The following FARP1 variants were observed in gnomAD, a reference collection of about 807,000 sequenced individuals.
The protein encoded by FARP1 is FERM, ARH/RhoGEF and pleckstrin domain protein 1.
FARP1 carries 52 observed loss-of-function variants against 128.8 expected under a neutral mutation model. That is an observed-to-expected ratio of 0.40 (90% CI 0.32 to 0.51). The LOEUF (loss-of-function observed/expected upper bound fraction) is 0.51. FARP1 is among the 20% of genes least tolerant of loss of function. The pLI, the probability that FARP1 is intolerant of heterozygous loss-of-function variation, is 0.45. For synonymous variants in FARP1, 580 were observed against 551.8 expected, an observed-to-expected ratio of 1.05 and a Z score of -0.72; for missense variants, 1,333 against 1,367.9, an observed-to-expected ratio of 0.97 and a Z score of 0.40.
intron 1 of FARP1, among the ~76,000 whole-genome samples, chr13:98,200,387 A>ACCCCCCCCCCCCC (rs34861204): frequency 2.9e-4 from 37 of 127,604 alleles, no homozygotes; most frequent in African/African-American, 1.0e-3. Context: ...TGCAACCTTC[A>ACCCCCCCCCCCCC]CCCCCCCCCC....
chr13:98,184,150 T>G (rs760548359), intron 1 of FARP1, among the ~76,000 whole-genome samples: 1 of 152,078 alleles, frequency 6.6e-6, no homozygotes, highest in Admixed American at 6.6e-5. Context: ...GAGTTTTCAC[T>G]CTTGTTGCCC....
At chr13:98,371,152 A>T (rs187586103) in intron 5 of FARP1, among the ~76,000 whole-genome samples, 25 of 150,432 alleles carry the variant, frequency 1.7e-4, no homozygotes, top group African/African-American at 5.9e-4. Flanking sequence ...CATGTGAATC[A>T]CCAGGGCTCT....
intron 2 of FARP1, among the ~76,000 whole-genome samples, chr13:98,268,117 AAAG>A (rs1162449827): frequency 1.3e-5 from 2 of 152,206 alleles, no homozygotes; most frequent in African/African-American, 4.8e-5. Flanking sequence ...GAAGATGGAA[AAAG>A]AAGGCTATTT....
chr13:98,348,358 A>C (rs1170717202), intron 3 of FARP1, among the ~76,000 whole-genome samples: 2 of 152,272 alleles, frequency 1.3e-5, no homozygotes, highest in African/African-American at 4.8e-5. Flanking sequence ...ACTACTGATC[A>C]TGGGAATCAA....
intron 2 of FARP1, among the ~76,000 whole-genome samples, chr13:98,277,954 T>A (rs1485969198): frequency 6.6e-6 from 1 of 152,264 alleles, no homozygotes; most frequent in Non-Finnish European, 1.5e-5. Context: ...GATCTGTTAT[T>A]TAACAAGCTA....
Position 98,439,110 on chromosome 13 carries a change from A to G in FARP1, c.2347A>G (p.Asn783Asp). The G allele has an allele frequency of 6.2e-7, 1 of 1,613,338 alleles. No homozygotes were observed. The highest frequency in any genetic ancestry group is 8.5e-7 in the Non-Finnish European group (1 of 1,179,514). Residue 783 changes from asparagine (N) to aspartate (D), a missense_variant, in exon 21 of 27, where the codon AAC (asparagine) becomes GAC (aspartate). Physicochemically the swap from Asn to Asp is conservative, Grantham distance 23 (BLOSUM62 1). This residue lies in a region of FARP1 where 1,009 missense variants were observed against 969.8 expected (regional missense o/e 1.04). Coordinates refer to ENST00000319562, the MANE Select transcript of FARP1 (RefSeq NM_005766.4). ...GLQQRMFFLF[N>D]DVLLYTSRGL... Reference sequence around the variant, plus strand: ...CACACACTTCTGATTCCTCCAGTTCAACGACGTCCTGCTATACACGAGCCG... The same window carrying G: ...CACACACTTCTGATTCCTCCAGTTCGACGACGTCCTGCTATACACGAGCCG...
At chr13:98,317,762 G>A (rs1481149941) in intron 2 of FARP1, among the ~76,000 whole-genome samples, 1 of 152,170 alleles carries the variant, frequency 6.6e-6, no homozygotes, top group African/African-American at 2.4e-5. Flanking sequence ...CAAGATCAAG[G>A]TGTTGGCCAA....
intron 2 of FARP1, among the ~76,000 whole-genome samples, chr13:98,324,220 A>C (rs1887131495): frequency 6.6e-6 from 1 of 152,194 alleles, no homozygotes. Context: ...TGGAAAGAAA[A>C]ACAAAGGTCA....
At chr13:98,199,890 A>G (rs1879822107) in intron 1 of FARP1, among the ~76,000 whole-genome samples, 1 of 152,204 alleles carries the variant, frequency 6.6e-6, no homozygotes, top group Non-Finnish European at 1.5e-5. Flanking sequence ...AGAATCATTG[A>G]GAAATTGACA....
chr13:98,273,139 G>A (rs184155404), intron 2 of FARP1, among the ~76,000 whole-genome samples: 1 of 152,180 alleles, frequency 6.6e-6, no homozygotes, highest in African/African-American at 2.4e-5. Flanking sequence ...CCCTGAAAAG[G>A]TGGGATATCT....
At chr13:98,328,908 G>A (rs1272206547) in intron 2 of FARP1, 1 of 152,174 alleles carries the variant, frequency 6.6e-6, no homozygotes, top group Non-Finnish European at 1.5e-5. Flanking sequence ...GATTATTTCT[G>A]AAATTTTCCA....
intron 2 of FARP1, among the ~76,000 whole-genome samples, chr13:98,336,090 G>T (rs1209115875): frequency 6.6e-6 from 1 of 152,148 alleles, no homozygotes; most frequent in Non-Finnish European, 1.5e-5. Context: ...TGATTTAGAT[G>T]ATTTAATGTG....
In FARP1 at chr13:98,287,206, G is replaced by T. The variant is rs1302945253; in HGVS notation, c.172-56556G>T. On this transcript the variant is annotated intron_variant, in intron 2 of 26. Transcript: ENST00000319562. The stretch of plus-strand genomic sequence containing the variant: ...CCTTTCCAAATTAACCATCAGACAT[G>T]TCTTTTTTTTTTTTTTTTTTTTTTT... Among the ~76,000 whole-genome samples, 173 of 87,764 alleles carry T rather than the reference G, an allele frequency of 2.0e-3. 2 individuals carry two copies. Among genetic ancestry groups the T allele is most frequent in the Non-Finnish European group, 2.8e-3 (126 of 44,338 alleles). 57.6% of individuals were successfully genotyped at this position (87,764 alleles called of 152,430 possible). A position where few individuals can be genotyped will look rare whatever the true frequency, so the allele number is the denominator to read the frequency against.
intron 24 of FARP1, among the ~76,000 whole-genome samples, chr13:98,443,051 C>G (rs777686239): frequency 6.6e-6 from 1 of 152,250 alleles, no homozygotes; most frequent in Non-Finnish European, 1.5e-5. Context: ...TGTGCATGAT[C>G]AGGTCAAGGC....
chr13:98,246,020 GC>G (rs908703174), intron 2 of FARP1, among the ~76,000 whole-genome samples: 1 of 148,942 alleles, frequency 6.7e-6, no homozygotes, highest in Non-Finnish European at 1.5e-5. Flanking sequence ...CAGGCAATCT[GC>G]CCCCCTCAGC....
At chr13:98,299,791 C>T (rs776304458) in intron 2 of FARP1, among the ~76,000 whole-genome samples, 2 of 152,158 alleles carry the variant, frequency 1.3e-5, no homozygotes, top group Non-Finnish European at 2.9e-5. Context: ...CACGACTGCA[C>T]GGACAAAAAT....
chr13:98,214,691 A>G (rs1880955200), intron 2 of FARP1, among the ~76,000 whole-genome samples: 1 of 152,190 alleles, frequency 6.6e-6, no homozygotes, highest in Non-Finnish European at 1.5e-5. Flanking sequence ...CCACCAATTT[A>G]TTGCGCACTG....
At chr13:98,192,020 A>G (rs1233897308) in intron 1 of FARP1, among the ~76,000 whole-genome samples, 1 of 152,158 alleles carries the variant, frequency 6.6e-6, no homozygotes, top group African/African-American at 2.4e-5. Context: ...AGCAAGTCAA[A>G]TTCTTTGCAT....
chr13:98,363,001 T>TCTTGC (rs573004248), intron 3 of FARP1, among the ~76,000 whole-genome samples: 3 of 152,248 alleles, frequency 2.0e-5, no homozygotes, highest in Non-Finnish European at 4.4e-5. Flanking sequence ...TACCGTCCTG[T>TCTTGC]CTTGCCTGGA....
Sources: gnomAD v4.1 joint callset for allele counts (sites outside exome capture counted in the v4.1 genomes callset) on GRCh38, gnomAD v4.1.1 for gene constraint, gnomAD v4.1.1 regional missense constraint, MANE v1.5 for transcripts, NCBI Gene and HGNC (gene_info 2026-07-23, HGNC 2026-07-21) for gene names.